ZFHX3: variants seen among roughly 807,000 people sequenced by gnomAD.
ZFHX3 encodes zinc finger homeobox protein 3.
In ZFHX3, 42 loss-of-function variants were observed where a neutral mutation model predicts 279.1. The ratio of observed to expected loss-of-function variants is 0.15; its 90% CI spans 0.12 to 0.19. The LOEUF is 0.19. ZFHX3 is among the 10% of genes least tolerant of loss of function. The pLI, the probability that ZFHX3 is intolerant of heterozygous loss-of-function variation, is 1.00. For synonymous variants in ZFHX3, 2,293 were observed against 1,957.8 expected, an observed-to-expected ratio of 1.17 and a Z score of -4.52; for missense variants, 4,981 against 4,754.0, an observed-to-expected ratio of 1.05 and a Z score of -1.40.
intron 4 of ZFHX3, chr16:73,294,402 GT>G (rs2014851943): frequency 6.6e-6 from 1 of 152,240 alleles, no homozygotes; most frequent in Admixed American, 6.5e-5. Context: ...TCATATTGAA[GT>G]TTTCTACAAA....
At chr16:73,298,858 G>T (rs7206112) in intron 4 of ZFHX3, among the ~76,000 whole-genome samples, 2,999 of 152,306 alleles carry the variant, frequency 0.02, 52 homozygotes, top group South Asian at 0.063. Flanking sequence ...GTAAGGTAAG[G>T]TCTCTACTTT....
chr16:73,487,599 T>G (rs994274667), intron 2 of ZFHX3: 11 of 309,172 alleles, frequency 3.6e-5, no homozygotes, highest in Admixed American at 1.3e-4. Context: ...TAGACACGGG[T>G]TCTCACTGTG....
intron 5 of ZFHX3, among the ~76,000 whole-genome samples, chr16:73,151,992 C>A (rs1158023132): frequency 2.3e-5 from 3 of 132,882 alleles, no homozygotes; most frequent in Non-Finnish European, 4.7e-5. Context: ...GGGTTTGGAA[C>A]CTCTGGGCCC....
Position 73,240,786 on chromosome 16 carries a change from CTG to C in ZFHX3, c.-1104+16259_-1104+16260del, listed in dbSNP as rs1233877183. Among the ~76,000 whole-genome samples the C allele has an allele frequency of 2.6e-5, 4 of 152,128 alleles. No homozygotes were observed. The South Asian group carries it at 8.3e-4, about 32-fold the overall frequency. ...GTAGGTGAATTTGCAAATACGGAATCTGTGAATAATGAGGTAATACATACTAT... is the reference window on the plus strand; with the variant it reads ...GTAGGTGAATTTGCAAATACGGAATCTGAATAATGAGGTAATACATACTAT... On this transcript the variant is annotated intron_variant, in intron 5 of 17. Coordinates refer to the ZFHX3 transcript ENST00000641206.
intron 3 of ZFHX3, among the ~76,000 whole-genome samples, chr16:72,902,676 G>A (rs185141626): frequency 1.5e-4 from 23 of 152,226 alleles, no homozygotes; most frequent in Non-Finnish European, 2.2e-4. Context: ...GGGCCTGAGC[G>A]CAAAGACCTA....
At chr16:72,896,710 T>A (rs971883697) in intron 3 of ZFHX3, among the ~76,000 whole-genome samples, 1 of 152,212 alleles carries the variant, frequency 6.6e-6, no homozygotes, top group African/African-American at 2.4e-5. Flanking sequence ...TCAGAGAACA[T>A]TGATTTCTAT....
At chr16:73,790,752 C>A (rs928246255) in intron 1 of ZFHX3, among the ~76,000 whole-genome samples, 1 of 152,192 alleles carries the variant, frequency 6.6e-6, no homozygotes, top group African/African-American at 2.4e-5. Context: ...TAGATGGACA[C>A]TGAGCCATGG....
intron 5 of ZFHX3, among the ~76,000 whole-genome samples, chr16:73,218,913 AG>A (rs1205525728): frequency 1.3e-5 from 2 of 152,226 alleles, no homozygotes; most frequent in Admixed American, 6.5e-5. Flanking sequence ...TTCATCAACG[AG>A]GTGGAAACCC....
At chr16:73,581,895 C>T (rs1260169848) in intron 2 of ZFHX3, among the ~76,000 whole-genome samples, 11 of 151,448 alleles carry the variant, frequency 7.3e-5, no homozygotes, top group Non-Finnish European at 1.3e-4. Context: ...AGGATGGTCT[C>T]GATCTCCTGA....
At chr16:73,606,500 A>G (rs1248007222) in intron 2 of ZFHX3, among the ~76,000 whole-genome samples, 1 of 151,924 alleles carries the variant, frequency 6.6e-6, no homozygotes, top group Admixed American at 6.6e-5. Context: ...AAAAAAAAAA[A>G]AAATCCATGC....
At chr16:72,948,300 G>C (rs1189762432) in intron 3 of ZFHX3, among the ~76,000 whole-genome samples, 1 of 152,184 alleles carries the variant, frequency 6.6e-6, no homozygotes, top group South Asian at 2.1e-4. Flanking sequence ...CTCTCCTTCA[G>C]GTGCTGGGTC....
At chr16:73,107,480 C>T (rs1422378443) in intron 7 of ZFHX3, among the ~76,000 whole-genome samples, 1 of 152,118 alleles carries the variant, frequency 6.6e-6, no homozygotes, top group East Asian at 1.9e-4. Flanking sequence ...TCTCAACCGA[C>T]AAATGTTGTC....
chr16:73,667,649 C>CA (rs1227047565), intron 2 of ZFHX3, among the ~76,000 whole-genome samples: 2 of 152,146 alleles, frequency 1.3e-5, no homozygotes, highest in Non-Finnish European at 2.9e-5. Context: ...GCTATGAGAA[C>CA]ATTTAAAAGA....
chr16:73,067,062 C>T (rs1184170292), intron 8 of ZFHX3, among the ~76,000 whole-genome samples: 2 of 152,150 alleles, frequency 1.3e-5, no homozygotes, highest in African/African-American at 4.8e-5. Context: ...CCCTGCTCGC[C>T]TCCAAGGCAG....
intron 2 of ZFHX3, among the ~76,000 whole-genome samples, chr16:73,641,709 T>A (rs2052574635): frequency 6.6e-6 from 1 of 152,032 alleles, no homozygotes; most frequent in African/African-American, 2.4e-5. Flanking sequence ...AATACATAAA[T>A]AGCAGAAGAC....
chr16:73,764,480 A>G (rs973057330), intron 1 of ZFHX3, among the ~76,000 whole-genome samples: 2 of 152,164 alleles, frequency 1.3e-5, no homozygotes, highest in Admixed American at 6.5e-5. Flanking sequence ...CTCCATAGGG[A>G]AGCAGAGAAT....
intron 3 of ZFHX3, among the ~76,000 whole-genome samples, chr16:72,941,374 AC>A (rs1262385081): frequency 6.6e-5 from 10 of 152,228 alleles, no homozygotes; most frequent in Admixed American, 6.5e-4. Context: ...GGTTTCACAA[AC>A]AAGGAAGCCA....
chr16:73,475,338 T>G lies in ZFHX3; in HGVS notation c.-1546-19080A>C, dbSNP rs146553668. Among the ~76,000 whole-genome samples, 327 of 152,348 alleles carry G rather than the reference T, an allele frequency of 2.1e-3. 1 individual carries two copies. The highest frequency in any genetic ancestry group is 7.2e-3 in the African/African-American group (300 of 41,594). On this transcript the variant is annotated intron_variant, in intron 2 of 17. Coordinates refer to the ZFHX3 transcript ENST00000641206. Reference sequence around the variant, plus strand: ...CAAATAAATGTAACATATATCTGTTTCCATGAAAGCAAAATGAAAATAATT... The same window carrying G: ...CAAATAAATGTAACATATATCTGTTGCCATGAAAGCAAAATGAAAATAATT...
At chr16:73,494,966 T>A (rs565169900) in intron 2 of ZFHX3, among the ~76,000 whole-genome samples, 22 of 152,322 alleles carry the variant, frequency 1.4e-4, no homozygotes, top group African/African-American at 4.8e-4. Flanking sequence ...TGAGTGGTGT[T>A]GAGTTCCACT....
Sources: gnomAD v4.1 joint callset for allele counts (sites outside exome capture counted in the v4.1 genomes callset) on GRCh38, gnomAD v4.1.1 for gene constraint, MANE v1.5 for transcripts, NCBI Gene and HGNC (gene_info 2026-07-23, HGNC 2026-07-21) for gene names.